Variants in ECPAS observed in about 807,000 individuals in gnomAD.
ECPAS encodes proteasome adapter and scaffold protein ECM29.
Under a neutral mutation model 255.1 loss-of-function variants are expected in ECPAS, and 70 were observed. The observed-to-expected ratio is 0.27, with a 90% CI of 0.23 to 0.33. The LOEUF (loss-of-function observed/expected upper bound fraction) is 0.33. Among genes scored for constraint, ECPAS ranks in the 10% least tolerant of loss-of-function variants. ECPAS has a pLI of 1.00. For synonymous variants in ECPAS, 784 were observed against 775.0 expected (o/e 1.01, Z -0.19); for missense variants, 1,817 against 2,206.4 (o/e 0.82, Z 3.54).
At chr9:111,365,806 T>C (rs73656232) in intron 48 of ECPAS, 7,444 of 158,498 alleles carry the variant, frequency 0.047, 363 homozygotes, top group East Asian at 0.14. Context: ...CACTAAATAA[T>C]TGAGGAACAA....
intron 46 of ECPAS, among the ~76,000 whole-genome samples, chr9:111,366,908 A>G (rs534195991): frequency 2.6e-5 from 4 of 152,326 alleles, no homozygotes; most frequent in Admixed American, 2.6e-4. Flanking sequence ...AAGGTGCAAT[A>G]TAATTGTTCA....
At chr9:111,396,136 A>C (rs1411629403) in intron 25 of ECPAS, among the ~76,000 whole-genome samples, 3 of 152,180 alleles carry the variant, frequency 2.0e-5, no homozygotes, top group Non-Finnish European at 4.4e-5. Flanking sequence ...CTCTCTTTTA[A>C]TTTCCTCACT....
At chr9:111,383,009 T>C (rs1478018367) in intron 35 of ECPAS, among the ~76,000 whole-genome samples, 1 of 152,200 alleles carries the variant, frequency 6.6e-6, no homozygotes, top group African/African-American at 2.4e-5. Flanking sequence ...AACAACACGC[T>C]TGACTCAGAA....
intron 37 of ECPAS, 101 bp from the exon 38 acceptor site, chr9:111,375,303 T>G (rs2098132134): frequency 1.3e-6 from 1 of 797,866 alleles, no homozygotes; most frequent in Non-Finnish European, 2.1e-6. Flanking sequence ...CAACTGGATT[T>G]GACATGAAGT....
intron 47 of ECPAS, 43 bp from the exon 48 acceptor site, chr9:111,366,370 A>T (rs1011635004): frequency 7.0e-7 from 1 of 1,438,608 alleles, no homozygotes; most frequent in Non-Finnish European, 9.6e-7. Flanking sequence ...AATTATTAAG[A>T]AACAGTCTAA....
chr9:111,370,440 T>G lies in ECPAS; in HGVS notation c.4969A>C (p.Lys1657Gln), dbSNP rs1335645374. Reference protein sequence around the residue: ...EFSNIVIPLIKKNSLESSGVR... With the variant: ...EFSNIVIPLIQKNSLESSGVR... Reference sequence around the variant, plus strand: ...GAGGATACAGGTGGTATTACCTTCTTGATGAGAGGTATGACAATGTTAGAG... The same window carrying G: ...GAGGATACAGGTGGTATTACCTTCTGGATGAGAGGTATGACAATGTTAGAG... Residue 1657 changes from lysine (K) to glutamine (Q), a missense_variant, in exon 45 of 50, where the codon AAG (lysine) becomes CAG (glutamine). By Grantham distance (53) the Lys-to-Gln change is moderately conservative (BLOSUM62 1). This residue lies in a region of ECPAS where 960 missense variants were observed against 1,179.0 expected (regional missense o/e 0.81). Coordinates refer to ENST00000684092, the MANE Select transcript of ECPAS (RefSeq NM_001364929.1). 1 of 1,579,828 alleles carries G rather than the reference T, an allele frequency of 6.3e-7. No homozygotes were observed. Among genetic ancestry groups the G allele is most frequent in the Admixed American group, 1.8e-5 (1 of 54,854 alleles).
chr9:111,420,777 G>A (rs532543207), intron 15 of ECPAS, among the ~76,000 whole-genome samples: 1 of 152,292 alleles, frequency 6.6e-6, no homozygotes, highest in South Asian at 2.1e-4. Context: ...TGAAATAAGA[G>A]AGACATTAAA....
At chr9:111,368,277 T>C (rs1276061335) in intron 46 of ECPAS, among the ~76,000 whole-genome samples, 2 of 152,188 alleles carry the variant, frequency 1.3e-5, no homozygotes, top group East Asian at 3.8e-4. Flanking sequence ...ACATGTCCAG[T>C]TCTGAAAATT....
At chr9:111,410,910 A>G (rs770444805) in intron 22 of ECPAS, 70 bp downstream of exon 22, 1 of 1,437,794 alleles carries the variant, frequency 7.0e-7, no homozygotes, top group African/African-American at 1.4e-5. Context: ...AAAGAAACTG[A>G]AACGCCATAT....
intron 2 of ECPAS, among the ~76,000 whole-genome samples, chr9:111,456,254 C>T (rs2098266805): frequency 6.6e-6 from 1 of 152,040 alleles, no homozygotes; most frequent in Non-Finnish European, 1.5e-5. Flanking sequence ...TTGAAGCCTG[C>T]ATAAAGAAAG....
At chr9:111,411,974 C>G (rs770485991) in intron 21 of ECPAS, 40 bp downstream of exon 21, 1 of 1,466,154 alleles carries the variant, frequency 6.8e-7, no homozygotes, top group Non-Finnish European at 9.0e-7. Context: ...TTTATAAAAC[C>G]CTATCTCCCA....
At chr9:111,460,528 G>T (rs1190868236) in intron 2 of ECPAS, among the ~76,000 whole-genome samples, 1 of 151,978 alleles carries the variant, frequency 6.6e-6, no homozygotes, top group African/African-American at 2.4e-5. Flanking sequence ...GATTACAAAG[G>T]AAGAAATAAT....
chr9:111,410,861 T>G (rs755610000), intron 22 of ECPAS, 119 bp downstream of exon 22: 1 of 1,085,330 alleles, frequency 9.2e-7, no homozygotes, highest in Non-Finnish European at 1.3e-6. Flanking sequence ...GTAAGTTTTT[T>G]GTGAAAAAGC....
chr9:111,442,445 C>G (rs1293022162), intron 4 of ECPAS, 21 bp from the exon 5 acceptor site: 3 of 1,344,620 alleles, frequency 2.2e-6, no homozygotes, highest in Admixed American at 1.8e-5. Flanking sequence ...AAGAGAAAAG[C>G]AAGTGAGTGT....
intron 19 of ECPAS, among the ~76,000 whole-genome samples, 164 bp from the exon 20 acceptor site, chr9:111,414,150 T>C (rs1245025454): frequency 6.6e-6 from 1 of 152,064 alleles, no homozygotes; most frequent in African/African-American, 2.4e-5. Context: ...TAGTATGTGA[T>C]TCACTACAGC....
At chr9:111,400,332 A>G (rs1564518704) in intron 24 of ECPAS, among the ~76,000 whole-genome samples, 1 of 152,214 alleles carries the variant, frequency 6.6e-6, no homozygotes, top group African/African-American at 2.4e-5. Flanking sequence ...ACTGGAATAA[A>G]TATTTAACTC....
intron 2 of ECPAS, among the ~76,000 whole-genome samples, chr9:111,455,274 G>A (rs1354823273): frequency 6.6e-6 from 1 of 152,206 alleles, no homozygotes; most frequent in Non-Finnish European, 1.5e-5. Flanking sequence ...CATGAGGTCA[G>A]GAGATAGAGA....
At chr9:111,441,171 AAAAAAATAAAAAAT>A (rs1466379669) in intron 5 of ECPAS, among the ~76,000 whole-genome samples, 2 of 150,770 alleles carry the variant, frequency 1.3e-5, no homozygotes, top group African/African-American at 2.4e-5. Flanking sequence ...AAATAAAAAT[AAAAAAATAAAAAAT>A]AAAAAATAAA....
At chr9:111,430,498 C>A in intron 9 of ECPAS, 49 bp downstream of exon 9, 1 of 1,174,322 alleles carries the variant, frequency 8.5e-7, no homozygotes, top group South Asian at 1.3e-5. Context: ...CAGTTCATGT[C>A]AACAAACTAC....
Sources: gnomAD v4.1 joint callset for allele counts (sites outside exome capture counted in the v4.1 genomes callset) on GRCh38, gnomAD v4.1.1 for gene constraint, gnomAD v4.1.1 regional missense constraint, MANE v1.5 for transcripts, NCBI Gene and HGNC (gene_info 2026-07-23, HGNC 2026-07-21) for gene names.